The following SLC13A3 variants were observed in gnomAD, a reference collection of about 807,000 sequenced individuals.
The protein encoded by SLC13A3 is Na(+)/dicarboxylate cotransporter 3.
In SLC13A3, 40 loss-of-function variants were observed where a neutral mutation model predicts 59.0. The observed-to-expected ratio is 0.68, with a 90% confidence interval of 0.53 to 0.88. SLC13A3 has a LOEUF of 0.88. Among genes scored for constraint, SLC13A3 ranks in the 40% least tolerant of loss-of-function variants. The pLI, the probability that SLC13A3 is intolerant of heterozygous loss-of-function variation, is 0.00. For missense variants in SLC13A3, 699 were observed against 783.2 expected (o/e 0.89, Z 1.28); for synonymous variants, 317 against 330.3 (o/e 0.96, Z 0.44).
chr20:46,592,857 C>G (rs567142822), intron 5 of SLC13A3, among the ~76,000 whole-genome samples: 2 of 152,196 alleles, frequency 1.3e-5, no homozygotes, highest in Non-Finnish European at 2.9e-5. Context: ...TTAAAGGGCT[C>G]AGCTGCTATT....
intron 1 of SLC13A3, among the ~76,000 whole-genome samples, chr20:46,676,729 G>A (rs879565488): frequency 9.9e-5 from 15 of 151,982 alleles, no homozygotes; most frequent in Non-Finnish European, 1.9e-4. Context: ...TGGGACTACA[G>A]GCATGCACCA....
chr20:46,655,813 ATATACTATATATACTATACAGTATATAT>A (rs1223905325), upstream of SLC13A3, among the ~76,000 whole-genome samples: 4 of 144,034 alleles, frequency 2.8e-5, no homozygotes, highest in African/African-American at 1.0e-4. Flanking sequence ...ATAATACTGT[ATATACTATATATACTATACAGTATATAT>A]TATACTGTAT....
intron 3 of SLC13A3, chr20:46,600,656 G>A (rs143691125): frequency 4.4e-4 from 193 of 439,296 alleles, no homozygotes; most frequent in South Asian, 1.4e-3. Flanking sequence ...TGGGTTGGAC[G>A]ACCCCAATTG....
chr20:46,614,544 C>T (rs1321176684), intron 1 of SLC13A3, among the ~76,000 whole-genome samples: 1 of 152,202 alleles, frequency 6.6e-6, no homozygotes, highest in Non-Finnish European at 1.5e-5. Context: ...GGAGCAACTG[C>T]CACATCCTTA....
At chr20:46,669,312 T>C (rs1274771441) in intron 1 of SLC13A3, among the ~76,000 whole-genome samples, 1 of 151,810 alleles carries the variant, frequency 6.6e-6, no homozygotes, top group Non-Finnish European at 1.5e-5. Context: ...TTAAAGACTG[T>C]CAGAGAGACA....
At position 46,559,841 on chromosome 20, in the gene SLC13A3, G is replaced by A. The variant is rs2061915934; in HGVS notation, c.*181C>T. 6.7e-6 allele frequency: 4 copies of A among 593,922 alleles called. No homozygotes were observed. Among genetic ancestry groups the A allele is most frequent in the Non-Finnish European group, 8.8e-6 (3 of 339,606 alleles). The allele number at this position is 593,922 out of a possible 1,614,324, so 36.8% of individuals were successfully genotyped here. ...TACCTGGGCTTTGAACTGCATGAAA[G>A]AGAGAGAAAGTATCCTAGATAATGG... On this transcript the variant is annotated 3_prime_UTR_variant, in exon 13 of 13. Coordinates refer to ENST00000279027, the MANE Select transcript of SLC13A3 (RefSeq NM_022829.6).
chr20:46,608,181 G>GT (rs760159604), intron 3 of SLC13A3, among the ~76,000 whole-genome samples: 73 of 152,204 alleles, frequency 4.8e-4, no homozygotes, highest in Non-Finnish European at 9.7e-4. Flanking sequence ...CCCACCGCCT[G>GT]TTTTTGTGTG....
At chr20:46,609,183 C>T (rs2062466967) in intron 3 of SLC13A3, 1 of 1,381,506 alleles carries the variant, frequency 7.2e-7, no homozygotes, top group Admixed American at 2.8e-5. Flanking sequence ...TTTAAAGTGA[C>T]ATGATGTGGC....
chr20:46,602,580 G>C (rs1006128205), intron 3 of SLC13A3, among the ~76,000 whole-genome samples: 2 of 152,126 alleles, frequency 1.3e-5, no homozygotes. Context: ...TAGGTCAGTA[G>C]TTCCCAGCGA....
intron 1 of SLC13A3, among the ~76,000 whole-genome samples, chr20:46,664,605 TAATA>T (rs879832109): frequency 2.6e-5 from 4 of 151,930 alleles, no homozygotes; most frequent in Non-Finnish European, 5.9e-5. Context: ...CAGGTGCAAA[TAATA>T]AATAAATGAG....
At chr20:46,683,748 C>T (rs1457590491) in intron 1 of SLC13A3, among the ~76,000 whole-genome samples, 4 of 152,182 alleles carry the variant, frequency 2.6e-5, no homozygotes, top group South Asian at 4.1e-4. Context: ...CAACGAGCCT[C>T]GGGTGTTACC....
At chr20:46,570,110 C>G (rs1430621706) in intron 10 of SLC13A3, among the ~76,000 whole-genome samples, 4 of 152,176 alleles carry the variant, frequency 2.6e-5, no homozygotes, top group Admixed American at 6.5e-5. Flanking sequence ...AACCACTGCA[C>G]CATTTACAAG....
rs2146063562 is a variant in SLC13A3 at position 46,558,274 on chromosome 20, T to A, written c.*1748A>T. On this transcript the variant is annotated 3_prime_UTR_variant, in exon 13 of 13. Coordinates refer to ENST00000279027, the MANE Select transcript of SLC13A3 (RefSeq NM_022829.6). ...TGTTCTAGGCAGAGGGAACAGCACATGCGAAGGCCCTGAGGCAGAGTATGT... is the reference window on the plus strand; with the variant it reads ...TGTTCTAGGCAGAGGGAACAGCACAAGCGAAGGCCCTGAGGCAGAGTATGT... 1 of 152,130 alleles carries A rather than the reference T, an allele frequency of 6.6e-6. No individual in the cohort carries two copies. The highest frequency in any genetic ancestry group is 1.9e-4 in the East Asian group (1 of 5,160). 9.4% of individuals were successfully genotyped at this position (152,130 alleles called of 1,614,324 possible).
At chr20:46,578,587 A>G (rs1380239544) in intron 9 of SLC13A3, among the ~76,000 whole-genome samples, 1 of 152,014 alleles carries the variant, frequency 6.6e-6, no homozygotes, top group Non-Finnish European at 1.5e-5. Flanking sequence ...GAGGCATGAG[A>G]ATCGCTTGAA....
chr20:46,584,089 GCCCA>G (rs1435989040), intron 8 of SLC13A3: 13 of 985,188 alleles, frequency 1.3e-5, no homozygotes, highest in Non-Finnish European at 1.6e-5. Context: ...TTGAGATACA[GCCCA>G]CTCACACCAG....
rs1231829750 is a variant in SLC13A3, at chr20:46,643,197, AG to A, written c.111+8113del. Among the ~76,000 whole-genome samples, 6 of 152,172 alleles carry A rather than the reference AG, an allele frequency of 3.9e-5. No homozygotes were observed. In the South Asian group the frequency reaches 1.2e-3, roughly 32 times the overall value. On this transcript the variant is annotated intron_variant, in intron 1 of 12. Coordinates refer to ENST00000279027, the MANE Select transcript of SLC13A3 (RefSeq NM_022829.6). ...GTGAGCTTATACCCCATGGGTGGGA[AG>A]GGGGGAAGGGGGTTAATATAGATAA...
At chr20:46,682,797 T>C (rs2063159614) in intron 1 of SLC13A3, among the ~76,000 whole-genome samples, 1 of 152,180 alleles carries the variant, frequency 6.6e-6, no homozygotes, top group Non-Finnish European at 1.5e-5. Context: ...ATAATCCTCA[T>C]CTGGTTGGGT....
In SLC13A3 at chr20:46,567,653, G is replaced by A. The variant is rs140584749; in HGVS notation, c.1333-1263C>T. ...ACCGAGACTCCACTCGCCTGTCAGT[G>A]CTGCAGAATTATTTGGGTGCTCTCT... is the stretch of plus-strand genomic sequence containing the variant. On this transcript the variant is annotated intron_variant, in intron 10 of 12. Coordinates refer to ENST00000279027, the MANE Select transcript of SLC13A3 (RefSeq NM_022829.6). Among the ~76,000 whole-genome samples, 242 of 152,210 alleles carry A rather than the reference G, an allele frequency of 1.6e-3. 6 individuals carry two copies. In the East Asian group the frequency reaches 0.037, roughly 24 times the overall value.
At chr20:46,576,961 C>T (rs142413868) in intron 9 of SLC13A3, among the ~76,000 whole-genome samples, 4 of 151,966 alleles carry the variant, frequency 2.6e-5, no homozygotes, top group Admixed American at 2.6e-4. Flanking sequence ...GTATGCAATC[C>T]ACAGGTGTAT....
Sources: gnomAD v4.1 joint callset for allele counts (sites outside exome capture counted in the v4.1 genomes callset) on GRCh38, gnomAD v4.1.1 for gene constraint, MANE v1.5 for transcripts, NCBI Gene and HGNC (gene_info 2026-07-23, HGNC 2026-07-21) for gene names.